The following OCA2 variants were observed in gnomAD, a reference collection of about 807,000 sequenced individuals.
The protein encoded by OCA2 is P protein.
Under a neutral mutation model 100.2 loss-of-function variants are expected in OCA2, and 77 were observed. The ratio of observed to expected loss-of-function variants is 0.77; its 90% CI spans 0.64 to 0.93. OCA2 has a LOEUF of 0.93. Ranked by LOEUF, OCA2 falls within the 40% of genes least tolerant of loss-of-function variation. The probability of loss-of-function intolerance (pLI) is 0.00; values close to 1 mark genes in which losing one functional copy is unlikely to be tolerated. For synonymous variants in OCA2, 432 were observed against 439.2 expected, an observed-to-expected ratio of 0.98 and a Z score of 0.21; for missense variants, 1,062 against 1,089.1, an observed-to-expected ratio of 0.98 and a Z score of 0.35.
At chr15:28,053,779 C>T (rs2043592791) in intron 2 of OCA2, among the ~76,000 whole-genome samples, 1 of 152,222 alleles carries the variant, frequency 6.6e-6, no homozygotes. Flanking sequence ...TCTCACGATG[C>T]TCAGCGCAAC....
At chr15:27,827,027 G>A (rs1326954823) in intron 23 of OCA2, among the ~76,000 whole-genome samples, 6 of 152,228 alleles carry the variant, frequency 3.9e-5, no homozygotes, top group Non-Finnish European at 1.5e-5. Flanking sequence ...AGCCTGCCCT[G>A]TGGGGCTCAG....
intron 19 of OCA2, among the ~76,000 whole-genome samples, chr15:27,881,210 C>T (rs1231475401): frequency 1.3e-5 from 2 of 152,086 alleles, no homozygotes; most frequent in African/African-American, 2.4e-5. Context: ...AGGACGAAGC[C>T]GACTTGATCG....
intron 23 of OCA2, among the ~76,000 whole-genome samples, chr15:27,820,395 A>T: frequency 6.6e-6 from 1 of 152,298 alleles, no homozygotes; most frequent in East Asian, 1.9e-4. Context: ...TCCACAGGGT[A>T]TGATGAAAAT....
rs1289790604 is a variant in OCA2, at chr15:27,985,089, G to A, written c.1339C>T (p.Leu447Phe). ...CTTATGGTCACAGGCGTGAAGAGGA[G>A]CATGGTGGTGACGTTGTCCAAGAAG... Reference protein sequence around the residue: ...SAFLDNVTTMLLFTPVTIRLC... With the variant: ...SAFLDNVTTMFLFTPVTIRLC... Residue 447 changes from leucine (L) to phenylalanine (F), a missense_variant, in exon 13 of 24, where the codon CTC (leucine) becomes TTC (phenylalanine). Transcript: ENST00000354638. The A allele has an allele frequency of 6.2e-7, 1 of 1,613,896 alleles. No individual in the cohort carries two copies. Among genetic ancestry groups the A allele is most frequent in the East Asian group, 2.2e-5 (1 of 44,882 alleles).
At chr15:27,961,879 A>C (rs1159671221) in intron 15 of OCA2, among the ~76,000 whole-genome samples, 2 of 152,178 alleles carry the variant, frequency 1.3e-5, no homozygotes, top group African/African-American at 2.4e-5. Flanking sequence ...GCAAACCACC[A>C]TGGCATGTGT....
At chr15:27,927,989 A>C (rs995525596) in intron 18 of OCA2, among the ~76,000 whole-genome samples, 1 of 151,676 alleles carries the variant, frequency 6.6e-6, no homozygotes. Context: ...ATGGGGTTTC[A>C]CCATGTTGGC....
At position 28,016,094 on chromosome 15, in the gene OCA2, G is replaced by A. The variant is rs547332359; in HGVS notation, c.890+10C>T. The A allele has an allele frequency of 2.1e-5, 34 of 1,612,292 alleles. 2 individuals are homozygous for A. The South Asian group carries it at 3.7e-4, about 18-fold the overall frequency. ...AGCCTGCCCCAACACCTCACTCACTGAGAACTCACCTGGTCAGTACCTCAA... is the reference window on the plus strand; with the variant it reads ...AGCCTGCCCCAACACCTCACTCACTAAGAACTCACCTGGTCAGTACCTCAA... On this transcript the variant is annotated intron_variant, in intron 8 of 23. Coordinates refer to ENST00000354638, the MANE Select transcript of OCA2 (RefSeq NM_000275.3).
the OCA2 span, among the ~76,000 whole-genome samples, chr15:27,742,670 G>A: frequency 6.6e-6 from 1 of 152,214 alleles, no homozygotes; most frequent in Non-Finnish European, 1.5e-5. Context: ...AACGAGAACA[G>A]CTTGAACCTA....
In OCA2 at chr15:27,866,799, T is replaced by C. The variant is rs114803452; in HGVS notation, c.2244+4355A>G. On this transcript the variant is annotated intron_variant, in intron 21 of 23. Coordinates refer to ENST00000354638, the MANE Select transcript of OCA2 (RefSeq NM_000275.3). ...CCTCCTCGGAGATCTGTTTTGTGAG[T>C]TCTGGGCCTCCAAGGCAGAAGCCAG... 2.7e-3 allele frequency among the ~76,000 whole-genome samples: 408 copies of C among 152,138 alleles called. 2 individuals are homozygous for C. Among genetic ancestry groups the C allele is most frequent in the African/African-American group, 9.5e-3 (394 of 41,490 alleles).
At chr15:27,869,832 G>A (rs977513177) in intron 21 of OCA2, among the ~76,000 whole-genome samples, 1 of 152,332 alleles carries the variant, frequency 6.6e-6, no homozygotes, top group South Asian at 2.1e-4. Flanking sequence ...GGTAAGGGCA[G>A]CCCTGCCAGA....
chr15:27,753,448 G>T (rs2150966354), downstream of OCA2, among the ~76,000 whole-genome samples: 1 of 152,128 alleles, frequency 6.6e-6, no homozygotes, highest in Non-Finnish European at 1.5e-5. Flanking sequence ...AATGAGAAGG[G>T]ATGGGCCGGG....
intron 21 of OCA2, among the ~76,000 whole-genome samples, chr15:27,866,874 C>A (rs1595541219): frequency 6.6e-6 from 1 of 152,212 alleles, no homozygotes; most frequent in Non-Finnish European, 1.5e-5. Flanking sequence ...ATGGGTTCCT[C>A]CAATCAGACA....
intron 14 of OCA2, among the ~76,000 whole-genome samples, chr15:27,981,896 T>TC (rs2041173827): frequency 6.6e-6 from 1 of 152,094 alleles, no homozygotes; most frequent in Admixed American, 6.6e-5. Flanking sequence ...TTGGCCAGGG[T>TC]CGTCCCTCCC....
chr15:27,957,752 G>C lies in OCA2; in HGVS notation c.1637-17C>G, dbSNP rs757428635. ...GCTTCAGTTCTGCAGAGAAAGGAAG[G>C]CGAAGCTTGGGTCTCCCATGACCTC... On this transcript the variant is annotated splice_polypyrimidine_tract_variant and intron_variant, in intron 15 of 23. Transcript: ENST00000354638. The surrounding 1 kb of genome is among the most constrained non-coding windows in gnomAD (Gnocchi z 4.3). 1.4e-5 allele frequency: 22 copies of C among 1,613,006 alleles called. No individual in the cohort carries two copies. Among genetic ancestry groups the C allele is most frequent in the Non-Finnish European group, 1.8e-5 (21 of 1,180,002 alleles).
intron 23 of OCA2, among the ~76,000 whole-genome samples, chr15:27,787,614 G>A (rs1171265884): frequency 6.6e-6 from 1 of 151,720 alleles, no homozygotes; most frequent in African/African-American, 2.4e-5. Context: ...TTCTGATTTT[G>A]GCAATTAGGG....
intron 18 of OCA2, among the ~76,000 whole-genome samples, chr15:27,926,771 C>G (rs1306152287): frequency 6.6e-6 from 1 of 151,968 alleles, no homozygotes; most frequent in East Asian, 1.9e-4. Flanking sequence ...CACCACCACA[C>G]CCAGTTAACT....
intron 19 of OCA2, among the ~76,000 whole-genome samples, chr15:27,911,770 A>G (rs1183949312): frequency 2.0e-5 from 3 of 152,210 alleles, no homozygotes; most frequent in African/African-American, 4.8e-5. Flanking sequence ...TCAGATTTCA[A>G]CATGAGATTT....
At chr15:27,879,011 T>A (rs2036902436) in intron 19 of OCA2, among the ~76,000 whole-genome samples, 1 of 151,982 alleles carries the variant, frequency 6.6e-6, no homozygotes, top group South Asian at 2.1e-4. Context: ...TCCCTCCCCC[T>A]TTTCCCCCTT....
intron 23 of OCA2, among the ~76,000 whole-genome samples, chr15:27,759,838 T>C (rs2030690524): frequency 6.6e-6 from 1 of 152,106 alleles, no homozygotes; most frequent in Admixed American, 6.5e-5. Flanking sequence ...AACTCAACAA[T>C]ATCTTCCAGC....
Sources: gnomAD v4.1 joint callset for allele counts (sites outside exome capture counted in the v4.1 genomes callset) on GRCh38, gnomAD v4.1.1 for gene constraint, Gnocchi (gnomAD v3.1) non-coding constraint, MANE v1.5 for transcripts, NCBI Gene and HGNC (gene_info 2026-07-23, HGNC 2026-07-21) for gene names.